The following DOCK4 variants were observed in gnomAD, a reference collection of about 807,000 sequenced individuals.
The protein encoded by DOCK4 is dedicator of cytokinesis protein 4.
In DOCK4, 97 loss-of-function variants were observed where a neutral mutation model predicts 268.1. The observed-to-expected ratio is 0.36, with a 90% CI of 0.31 to 0.43. The LOEUF is 0.43. DOCK4 is among the 20% of genes least tolerant of loss of function. The pLI is 1.00. For synonymous variants in DOCK4, 954 were observed against 887.2 expected (o/e 1.08, Z -1.34); for missense variants, 2,145 against 2,455.7 (o/e 0.87, Z 2.67).
At position 111,928,088 on chromosome 7, in the gene DOCK4, G is replaced by A. The variant is rs865955325; in HGVS notation, c.1066+7452C>T. On this transcript the variant is annotated intron_variant, in intron 12 of 52. Transcript: ENST00000428084. ...AACTAAGATTAAACTGTTTCTTCAG[G>A]TGTTCATTTCCTAATGAAGGCTCTC... Among the ~76,000 whole-genome samples, 31 of 152,174 alleles carry A rather than the reference G, an allele frequency of 2.0e-4. No homozygotes were observed. The East Asian group carries it at 2.5e-3, about 12-fold the overall frequency.
At chr7:112,017,495 T>C (rs1801910822) in intron 1 of DOCK4, among the ~76,000 whole-genome samples, 1 of 152,178 alleles carries the variant, frequency 6.6e-6, no homozygotes, top group African/African-American at 2.4e-5. Flanking sequence ...AGAGAGGTCT[T>C]GGCAAATGTG....
intron 1 of DOCK4, among the ~76,000 whole-genome samples, chr7:112,083,087 C>A (rs923977375): frequency 6.6e-6 from 1 of 152,002 alleles, no homozygotes; most frequent in Non-Finnish European, 1.5e-5. Flanking sequence ...TAATGTACTT[C>A]TTTTCAGAGG....
intron 1 of DOCK4, among the ~76,000 whole-genome samples, chr7:112,181,626 T>A (rs1264657323): frequency 1.1e-5 from 1 of 88,080 alleles, no homozygotes; most frequent in African/African-American, 5.1e-5. Flanking sequence ...AGCAACAGAG[T>A]AAGACACTGT....
At chr7:112,197,685 TG>T (rs1293464108) in intron 1 of DOCK4, among the ~76,000 whole-genome samples, 6 of 152,184 alleles carry the variant, frequency 3.9e-5, no homozygotes, top group African/African-American at 9.7e-5. Flanking sequence ...GTTTGAAATT[TG>T]GGGTCTGTCA....
intron 41 of DOCK4, 101 bp downstream of exon 41, chr7:111,758,523 G>A: frequency 7.5e-7 from 1 of 1,326,494 alleles, no homozygotes; most frequent in Non-Finnish European, 1.0e-6. Context: ...TTCTGTTTCT[G>A]TCACTTGACA....
At chr7:112,146,324 T>G (rs1815487731) in intron 1 of DOCK4, among the ~76,000 whole-genome samples, 1 of 152,214 alleles carries the variant, frequency 6.6e-6, no homozygotes, top group African/African-American at 2.4e-5. Context: ...AGGCTTTCTT[T>G]AACAAGTTGG....
At chr7:112,185,190 G>A (rs2116734186) in intron 1 of DOCK4, among the ~76,000 whole-genome samples, 1 of 152,332 alleles carries the variant, frequency 6.6e-6, no homozygotes, top group Middle Eastern at 3.4e-3. Context: ...GTGCAGCATT[G>A]AAGTGCAGGC....
chr7:111,728,224 T>C lies in DOCK4; in HGVS notation c.*50A>G, dbSNP rs1794775703. 1 of 1,376,276 alleles carries C rather than the reference T, an allele frequency of 7.3e-7. No individual in the cohort carries two copies. The highest frequency in any genetic ancestry group is 1.9e-5 in the South Asian group (1 of 52,074). The allele number at this position is 1,376,276 out of a possible 1,614,324, so 85.3% of individuals were successfully genotyped here. ...ACTAAATGTCTTCTCATCATACTTC[T>C]TATTTTGTAAACGGGCAAAGAATGC... On this transcript the variant is annotated 3_prime_UTR_variant, in exon 53 of 53. Coordinates refer to ENST00000428084, the MANE Select transcript of DOCK4 (RefSeq NM_001363540.2).
intron 16 of DOCK4, among the ~76,000 whole-genome samples, chr7:111,882,185 C>A (rs1388548590): frequency 2.0e-5 from 3 of 151,972 alleles, no homozygotes; most frequent in Non-Finnish European, 4.4e-5. Flanking sequence ...ATCTCATATA[C>A]CCCATAAATA....
intron 13 of DOCK4, among the ~76,000 whole-genome samples, chr7:111,905,466 T>C (rs1762513822): frequency 6.6e-6 from 1 of 152,160 alleles, no homozygotes; most frequent in Non-Finnish European, 1.5e-5. Context: ...GGTCACAAAA[T>C]TGGGAACAAA....
intron 26 of DOCK4, 129 bp downstream of exon 26, chr7:111,834,459 G>T: frequency 1.4e-6 from 1 of 720,126 alleles, no homozygotes; most frequent in Non-Finnish European, 2.2e-6. Context: ...GGATGAGGCT[G>T]AGAAAAACAG....
intron 1 of DOCK4, among the ~76,000 whole-genome samples, chr7:112,124,950 T>G (rs1813078754): frequency 6.6e-6 from 1 of 152,220 alleles, no homozygotes; most frequent in Non-Finnish European, 1.5e-5. Flanking sequence ...GATATTCATA[T>G]AAACATGAGT....
intron 1 of DOCK4, among the ~76,000 whole-genome samples, chr7:112,029,894 CAATT>C (rs1261153852): frequency 2.0e-5 from 3 of 152,166 alleles, no homozygotes; most frequent in African/African-American, 7.2e-5. Context: ...ATATTCATGA[CAATT>C]AAATAGCTAT....
chr7:112,060,338 T>C (rs1806283438), intron 1 of DOCK4, among the ~76,000 whole-genome samples: 1 of 152,156 alleles, frequency 6.6e-6, no homozygotes, highest in Admixed American at 6.5e-5. Flanking sequence ...GGTGAGGATA[T>C]GGAGAAATTG....
At chr7:111,983,862 G>GCACACACA (rs1554402961) in intron 7 of DOCK4, among the ~76,000 whole-genome samples, 64 of 138,644 alleles carry the variant, frequency 4.6e-4, no homozygotes, top group Middle Eastern at 3.6e-3. Context: ...GCGCGCGCGC[G>GCACACACA]CACACACACA....
chr7:111,804,749 G>A (rs978024297), intron 30 of DOCK4, among the ~76,000 whole-genome samples: 21 of 151,994 alleles, frequency 1.4e-4, no homozygotes, highest in South Asian at 6.3e-4. Context: ...ACAGGCATAT[G>A]CCACCACACC....
chr7:111,929,945 AC>A (rs1309253638), intron 12 of DOCK4, among the ~76,000 whole-genome samples: 3 of 152,206 alleles, frequency 2.0e-5, no homozygotes, highest in African/African-American at 7.2e-5. Context: ...ATTTTTACAC[AC>A]CGTTTCAAGA....
chr7:112,205,993 G>T, intron 1 of DOCK4, 109 bp downstream of exon 1: 1 of 1,263,098 alleles, frequency 7.9e-7, no homozygotes, highest in Non-Finnish European at 1.1e-6. Context: ...GCGATGCCAG[G>T]ATTAGGCATT....
intron 1 of DOCK4, among the ~76,000 whole-genome samples, chr7:112,127,416 G>C (rs556689072): frequency 8.0e-5 from 9 of 111,990 alleles, no homozygotes; most frequent in Non-Finnish European, 1.4e-4. Context: ...GTTGTGGGGT[G>C]GGGGGAGGGG....
Sources: allele counts gnomAD v4.1 joint callset (sites outside exome capture counted in the v4.1 genomes callset), GRCh38; gene constraint gnomAD v4.1.1; transcripts MANE v1.5; gene names NCBI Gene and HGNC (gene_info 2026-07-23, HGNC 2026-07-21).